The following MON2 variants were observed in gnomAD, a reference collection of about 807,000 sequenced individuals.
The protein encoded by MON2 is protein MON2 homolog.
MON2 carries 84 observed loss-of-function variants against 208.6 expected under a neutral mutation model. The ratio of observed to expected loss-of-function variants is 0.40; its 90% CI spans 0.34 to 0.48. MON2 has a LOEUF of 0.48. Ranked by LOEUF, MON2 falls within the 20% of genes least tolerant of loss-of-function variation. The pLI, the probability that MON2 is intolerant of heterozygous loss-of-function variation, is 0.59. For synonymous variants in MON2, 660 were observed against 694.0 expected (o/e 0.95, Z 0.77); for missense variants, 1,611 against 2,015.4 (o/e 0.80, Z 3.84).
At chr12:62,492,521 G>A (rs1291655038) in intron 2 of MON2, among the ~76,000 whole-genome samples, 11 of 149,456 alleles carry the variant, frequency 7.4e-5, no homozygotes, top group African/African-American at 2.4e-4. Flanking sequence ...ACAGGCGCCC[G>A]CCACCGCGCC....
At chr12:62,543,445 C>T (rs540146325) in intron 20 of MON2, among the ~76,000 whole-genome samples, 5 of 152,238 alleles carry the variant, frequency 3.3e-5, no homozygotes, top group African/African-American at 1.2e-4. Context: ...TCAGTGAAGT[C>T]AGCTGTTACC....
In MON2 at chr12:62,552,913, G is replaced by T; in HGVS notation, c.2949G>T (p.Gly983=). The T allele has an allele frequency of 6.2e-7, 1 of 1,613,580 alleles. No individual in the cohort carries two copies. Among genetic ancestry groups the T allele is most frequent in the Non-Finnish European group, 8.5e-7 (1 of 1,179,636 alleles). The change falls in exon 24 of 35, where the codon GGG becomes GGT. Residue 983 remains glycine (G), a synonymous_variant. Coordinates refer to ENST00000393630, the MANE Select transcript of MON2 (RefSeq NM_015026.3). The part of the protein sequence containing the change: ...WNISDYFFQR[G]ETIEKELNKE... ...TTTCAGATTATTTTTTCCAAAGAGG[G>T]GAAACTATTGAAAAAGAACTAAATA...
chr12:62,521,798 G>C (rs896480392), intron 8 of MON2, among the ~76,000 whole-genome samples: 12 of 152,202 alleles, frequency 7.9e-5, no homozygotes, highest in African/African-American at 2.6e-4. Context: ...TTCCCTTTCT[G>C]TCATCCAAGG....
At chr12:62,579,813 A>G (rs535155259) in intron 31 of MON2, among the ~76,000 whole-genome samples, 2 of 152,364 alleles carry the variant, frequency 1.3e-5, no homozygotes, top group East Asian at 3.9e-4. Flanking sequence ...CCATTACTGT[A>G]TTAAAGCTCT....
At chr12:62,533,615 G>T (rs554200406) in intron 12 of MON2, among the ~76,000 whole-genome samples, 27 of 152,294 alleles carry the variant, frequency 1.8e-4, no homozygotes, top group African/African-American at 6.0e-4. Context: ...GATAGAACAA[G>T]ATGTTCCAGG....
At chr12:62,521,056 A>G (rs11174527) in intron 8 of MON2, among the ~76,000 whole-genome samples, 18,248 of 151,342 alleles carry the variant, frequency 0.12, 1,379 homozygotes, top group Middle Eastern at 0.26. Flanking sequence ...CCCAGGTTGG[A>G]GTGCAGTGGC....
intron 30 of MON2, among the ~76,000 whole-genome samples, chr12:62,571,987 A>G (rs1263153465): frequency 6.6e-6 from 1 of 152,232 alleles, no homozygotes; most frequent in African/African-American, 2.4e-5. Flanking sequence ...AGATGTTTAG[A>G]TTTGTCAAAG....
At chr12:62,498,344 A>T (rs563138532) in intron 4 of MON2, among the ~76,000 whole-genome samples, 2 of 152,290 alleles carry the variant, frequency 1.3e-5, no homozygotes, top group East Asian at 3.9e-4. Flanking sequence ...AGAGGAAGAG[A>T]TGGGTGGCAA....
chr12:62,501,053 C>A (rs989487462), intron 6 of MON2, among the ~76,000 whole-genome samples, 173 bp downstream of exon 6: 3 of 151,844 alleles, frequency 2.0e-5, no homozygotes, highest in Non-Finnish European at 4.4e-5. Flanking sequence ...AGCTAATTAA[C>A]ATGATAAAAC....
chr12:62,557,121 T>C (rs1378454795), intron 25 of MON2, among the ~76,000 whole-genome samples: 1 of 151,416 alleles, frequency 6.6e-6, no homozygotes, highest in Non-Finnish European at 1.5e-5. Flanking sequence ...CTAAGAGCAA[T>C]GAAAAAAACT....
chr12:62,467,307 C>G lies in MON2; in HGVS notation c.100C>G (p.Pro34Ala). The change falls in exon 1 of 35, where the codon CCT (proline) becomes GCT (alanine). Residue 34 changes from proline to alanine, a missense_variant. Coordinates refer to ENST00000393630, the MANE Select transcript of MON2 (RefSeq NM_015026.3). The part of the protein sequence containing the change: ...LSLECKKKFP[P>A]VKEAAESGII... ...ACTGGAGTGCAAGAAGAAATTCCCA[C>G]CTGTCAAAGAGGTAAGCTTCAGGTG... The G allele has an allele frequency of 6.2e-7, 1 of 1,613,984 alleles. No individual in the cohort carries two copies. The highest frequency in any genetic ancestry group is 1.3e-5 in the African/African-American group (1 of 75,056).
At chr12:62,484,886 A>G (rs972168784) in intron 2 of MON2, 2 of 148,142 alleles carry the variant, frequency 1.4e-5, no homozygotes, top group Non-Finnish European at 1.5e-5. Flanking sequence ...TCTTGCCTCA[A>G]TAATGAACAT....
chr12:62,505,972 A>C (rs931022003), intron 7 of MON2, among the ~76,000 whole-genome samples: 1 of 152,148 alleles, frequency 6.6e-6, no homozygotes, highest in South Asian at 2.1e-4. Flanking sequence ...TGCTTTGGCC[A>C]CAGAGATCAT....
At chr12:62,538,378 T>C (rs1161492132) in intron 18 of MON2, 37 bp from the exon 19 acceptor site, 1 of 1,587,338 alleles carries the variant, frequency 6.3e-7, no homozygotes, top group South Asian at 1.1e-5. Flanking sequence ...TTATATATTT[T>C]AGATCAAGAT....
chr12:62,557,955 TATA>T (rs2074049296), intron 25 of MON2, among the ~76,000 whole-genome samples: 50 of 29,010 alleles, frequency 1.7e-3, no homozygotes, highest in African/African-American at 9.1e-3. Flanking sequence ...TATATATATA[TATA>T]TATATTTTTT....
chr12:62,536,566 G>A (rs1461241105), intron 14 of MON2, among the ~76,000 whole-genome samples: 2 of 151,940 alleles, frequency 1.3e-5, no homozygotes, highest in Non-Finnish European at 2.9e-5. Flanking sequence ...CTTAGAATGT[G>A]TTCGAGTTCT....
At chr12:62,558,898 A>G (rs1285962125) in intron 25 of MON2, among the ~76,000 whole-genome samples, 1 of 151,948 alleles carries the variant, frequency 6.6e-6, no homozygotes, top group East Asian at 1.9e-4. Flanking sequence ...GGGTTTCATC[A>G]TGTTGGCCAG....
Position 62,560,565 on chromosome 12 carries a change from T to C in MON2, c.3484T>C (p.Ser1162Pro). ...AGCACTCAGCAAAAACAATGAAGTA[T>C]CTCTGGCTGCTCTGAAAAGCTTCCA... Reference protein sequence around the residue: ...SAALSKNNEVSLAALKSFQEI... With the variant: ...SAALSKNNEVPLAALKSFQEI... The change falls in exon 26 of 35, where the codon TCT becomes CCT. Residue 1162 changes from serine to proline, a missense_variant. Physicochemically the swap from Ser to Pro is moderately conservative, Grantham distance 74. Transcript: ENST00000393630. The C allele has an allele frequency of 6.2e-7, 1 of 1,614,050 alleles. No individual in the cohort carries two copies. Among genetic ancestry groups the C allele is most frequent in the Non-Finnish European group, 8.5e-7 (1 of 1,179,994 alleles).
At chr12:62,518,116 T>C (rs1409365292) in intron 8 of MON2, among the ~76,000 whole-genome samples, 2 of 152,166 alleles carry the variant, frequency 1.3e-5, no homozygotes, top group African/African-American at 2.4e-5. Context: ...TATTCTTAAA[T>C]GGTGGAGAGT....
Sources: allele counts gnomAD v4.1 joint callset (sites outside exome capture counted in the v4.1 genomes callset), GRCh38; gene constraint gnomAD v4.1.1; transcripts MANE v1.5; gene names NCBI Gene and HGNC (gene_info 2026-07-23, HGNC 2026-07-21).